Variants in CHRM2 observed in about 807,000 individuals in gnomAD.
CHRM2 encodes the protein cholinergic receptor muscarinic 2, also known as muscarinic acetylcholine receptor M2.
CHRM2 carries 8 observed loss-of-function variants against 25.0 expected under a neutral mutation model. The observed-to-expected ratio is 0.32, with a 90% confidence interval of 0.19 to 0.58. The LOEUF is 0.58. Among genes scored for constraint, CHRM2 ranks in the 20% least tolerant of loss-of-function variants. The pLI is 0.88. For synonymous variants in CHRM2, 202 were observed against 205.7 expected (o/e 0.98, Z 0.15); for missense variants, 440 against 567.1 (o/e 0.78, Z 2.28).
At chr7:136,890,055 T>C (rs957966781) in intron 2 of CHRM2, among the ~76,000 whole-genome samples, 1 of 152,208 alleles carries the variant, frequency 6.6e-6, no homozygotes, top group Admixed American at 6.5e-5. Context: ...CAATTAATTA[T>C]CCTACATATA....
At chr7:136,871,057 C>T (rs1795810466) in intron 2 of CHRM2, 2 of 153,518 alleles carry the variant, frequency 1.3e-5, no homozygotes, top group Admixed American at 6.5e-5. Context: ...GTGCCACACA[C>T]CCTCCAGCGG....
chr7:136,874,183 G>C (rs148073689), intron 2 of CHRM2, among the ~76,000 whole-genome samples: 1,599 of 152,214 alleles, frequency 0.011, 14 homozygotes, highest in Non-Finnish European at 0.016. Context: ...TGGCACTTAA[G>C]ATTCTGAATT....
At chr7:136,878,190 G>A (rs1331220941) in intron 2 of CHRM2, among the ~76,000 whole-genome samples, 2 of 151,924 alleles carry the variant, frequency 1.3e-5, no homozygotes, top group South Asian at 2.1e-4. Flanking sequence ...AGGGCATTTG[G>A]TTTCATTTTA....
At chr7:136,878,272 C>G (rs1302356101) in intron 2 of CHRM2, among the ~76,000 whole-genome samples, 1 of 151,932 alleles carries the variant, frequency 6.6e-6, no homozygotes, top group Non-Finnish European at 1.5e-5. Context: ...CTTGCTTTAT[C>G]CTCAAAATTA....
At chr7:137,014,023 C>T (rs1805003084) in intron 3 of CHRM2, among the ~76,000 whole-genome samples, 1 of 151,944 alleles carries the variant, frequency 6.6e-6, no homozygotes, top group East Asian at 1.9e-4. Context: ...TATTTTCTCC[C>T]ATAATTTTGT....
chr7:136,952,567 C>CT (rs1366470308), intron 2 of CHRM2, among the ~76,000 whole-genome samples: 1 of 103,326 alleles, frequency 9.7e-6, no homozygotes, highest in African/African-American at 4.0e-5. Flanking sequence ...TCTCAGACAT[C>CT]TTTTTTAAAA....
chr7:136,929,069 C>T (rs367614088), intron 2 of CHRM2, among the ~76,000 whole-genome samples: 14 of 152,022 alleles, frequency 9.2e-5, no homozygotes, highest in South Asian at 4.2e-4. Context: ...AGACGATATG[C>T]GATCACGTGA....
At chr7:137,000,853 C>T (rs1326374364) in intron 3 of CHRM2, among the ~76,000 whole-genome samples, 1 of 151,996 alleles carries the variant, frequency 6.6e-6, no homozygotes, top group Non-Finnish European at 1.5e-5. Context: ...TCATAATTTT[C>T]CAATTCGCTT....
chr7:136,951,816 T>C (rs890717357), intron 2 of CHRM2, among the ~76,000 whole-genome samples: 1 of 152,204 alleles, frequency 6.6e-6, no homozygotes, highest in African/African-American at 2.4e-5. Context: ...GTTTTTCTAC[T>C]GAAATGGCAA....
chr7:136,951,485 C>T (rs1324245059), intron 2 of CHRM2, among the ~76,000 whole-genome samples: 1 of 152,162 alleles, frequency 6.6e-6, no homozygotes, highest in African/African-American at 2.4e-5. Flanking sequence ...ATAACTGCAG[C>T]TTACGTCCCT....
chr7:136,993,942 T>C (rs1803401330), intron 3 of CHRM2, among the ~76,000 whole-genome samples: 1 of 152,272 alleles, frequency 6.6e-6, no homozygotes, highest in African/African-American at 2.4e-5. Context: ...CATTCAATGA[T>C]AAATAAATAA....
At chr7:136,894,904 T>G (rs1407478614) in intron 2 of CHRM2, among the ~76,000 whole-genome samples, 1 of 152,176 alleles carries the variant, frequency 6.6e-6, no homozygotes, top group Non-Finnish European at 1.5e-5. Flanking sequence ...AAACCGAGGC[T>G]ATCATTGAAT....
At chr7:136,958,800 G>C (rs1800882518) in intron 2 of CHRM2, among the ~76,000 whole-genome samples, 1 of 152,168 alleles carries the variant, frequency 6.6e-6, no homozygotes, top group African/African-American at 2.4e-5. Context: ...AAGTGCTGGA[G>C]ATTAAATGAG....
At chr7:137,001,994 A>C (rs1236566467) in intron 3 of CHRM2, among the ~76,000 whole-genome samples, 1 of 152,190 alleles carries the variant, frequency 6.6e-6, no homozygotes, top group Non-Finnish European at 1.5e-5. Flanking sequence ...GAAAGAATGA[A>C]TACATATGTA....
At chr7:136,876,156 AT>A (rs2130477110) in intron 2 of CHRM2, among the ~76,000 whole-genome samples, 1 of 152,306 alleles carries the variant, frequency 6.6e-6, no homozygotes, top group South Asian at 2.1e-4. Flanking sequence ...TAATAATGAC[AT>A]TTTTAGCCCT....
chr7:136,893,026 T>A (rs1010325889), intron 2 of CHRM2, among the ~76,000 whole-genome samples: 13 of 152,066 alleles, frequency 8.5e-5, no homozygotes, highest in African/African-American at 2.9e-4. Context: ...TCTTCTCTTG[T>A]TCTCTCTCTC....
chr7:136,990,915 C>T (rs552962074), intron 2 of CHRM2, among the ~76,000 whole-genome samples: 1 of 152,088 alleles, frequency 6.6e-6, no homozygotes, highest in African/African-American at 2.4e-5. Context: ...TATGGCCATT[C>T]TAATAAATGT....
intron 2 of CHRM2, among the ~76,000 whole-genome samples, chr7:136,908,507 A>G (rs1382153708): frequency 6.6e-6 from 1 of 151,974 alleles, no homozygotes; most frequent in Non-Finnish European, 1.5e-5. Flanking sequence ...AGATTTGATC[A>G]GCCTATAAAG....
intron 3 of CHRM2, among the ~76,000 whole-genome samples, chr7:136,994,521 CTTTTTTTTTTT>C (rs757243972): frequency 4.2e-5 from 3 of 71,372 alleles, no homozygotes; most frequent in East Asian, 4.0e-4. Context: ...TTTTTCTTTT[CTTTTTTTTTTT>C]TTTTTTTTTT....
Sources: gnomAD v4.1 joint callset for allele counts (sites outside exome capture counted in the v4.1 genomes callset) on GRCh38, gnomAD v4.1.1 for gene constraint, MANE v1.5 for transcripts, NCBI Gene and HGNC (gene_info 2026-07-23, HGNC 2026-07-21) for gene names.